HS3ST4: variants seen among roughly 807,000 people sequenced by gnomAD.
HS3ST4 encodes heparan sulfate glucosamine 3-O-sulfotransferase 4.
Under a neutral mutation model 29.2 loss-of-function variants are expected in HS3ST4, and 17 were observed. The ratio of observed to expected loss-of-function variants is 0.58; its 90% CI spans 0.40 to 0.87. The LOEUF is 0.87. HS3ST4 is among the 40% of genes least tolerant of loss of function. The pLI, the probability that HS3ST4 is intolerant of heterozygous loss-of-function variation, is 0.00. For synonymous variants in HS3ST4, 314 were observed against 285.7 expected (o/e 1.10, Z -1.00); for missense variants, 627 against 634.5 (o/e 0.99, Z 0.13).
chr16:25,923,133 G>T (rs1246614717), intron 1 of HS3ST4, among the ~76,000 whole-genome samples: 1 of 152,058 alleles, frequency 6.6e-6, no homozygotes, highest in Non-Finnish European at 1.5e-5. Context: ...AGCCATTGTT[G>T]TACAAATCCA....
chr16:26,022,613 G>A (rs1017624090), intron 1 of HS3ST4, among the ~76,000 whole-genome samples: 4 of 151,982 alleles, frequency 2.6e-5, no homozygotes, highest in African/African-American at 9.7e-5. Flanking sequence ...ACAGGCAGCA[G>A]GTCAAAATCT....
chr16:25,873,313 TCCATCCATCC>T (rs1967778039), intron 1 of HS3ST4, among the ~76,000 whole-genome samples: 2 of 81,592 alleles, frequency 2.5e-5, no homozygotes, highest in African/African-American at 4.0e-5. Context: ...CATCCATCCA[TCCATCCATCC>T]TTCCTTCCTT....
intron 1 of HS3ST4, among the ~76,000 whole-genome samples, chr16:25,914,920 T>TA (rs531186493): frequency 2.0e-5 from 3 of 148,392 alleles, no homozygotes; most frequent in Admixed American, 1.3e-4. Flanking sequence ...AAGATACAAT[T>TA]AAAAAAAAAA....
intron 1 of HS3ST4, among the ~76,000 whole-genome samples, chr16:26,055,000 CA>C (rs111653644): frequency 0.056 from 8,571 of 152,076 alleles, 285 homozygotes; most frequent in African/African-American, 0.082. Flanking sequence ...GGGGAACTGA[CA>C]AAAATTATAT....
chr16:26,109,581 A>G (rs757656025), intron 1 of HS3ST4, among the ~76,000 whole-genome samples: 1 of 148,372 alleles, frequency 6.7e-6, no homozygotes, highest in Non-Finnish European at 1.5e-5. Flanking sequence ...CATGTCCATC[A>G]CCCCACACCT....
intron 1 of HS3ST4, among the ~76,000 whole-genome samples, chr16:25,828,305 T>TTTCTTTCTTTCC (rs1567249540): frequency 2.1e-4 from 16 of 76,140 alleles, no homozygotes; most frequent in East Asian, 3.3e-4. Flanking sequence ...TCTTTCCCTC[T>TTTCTTTCTTTCC]CTCTCTCTCT....
At chr16:25,802,273 T>TA (rs1214457223) in intron 1 of HS3ST4, among the ~76,000 whole-genome samples, 2 of 152,192 alleles carry the variant, frequency 1.3e-5, no homozygotes, top group Non-Finnish European at 2.9e-5. Context: ...ATTTACGTAT[T>TA]ACATTGGTGA....
intron 1 of HS3ST4, among the ~76,000 whole-genome samples, chr16:25,798,756 T>C (rs1966904637): frequency 6.6e-6 from 1 of 152,176 alleles, no homozygotes; most frequent in Non-Finnish European, 1.5e-5. Context: ...TTAAATCATG[T>C]GGGGCTTCAC....
chr16:25,905,341 C>T (rs1024984141), intron 1 of HS3ST4, among the ~76,000 whole-genome samples: 3 of 149,846 alleles, frequency 2.0e-5, no homozygotes, highest in Non-Finnish European at 3.0e-5. Flanking sequence ...TAGATAGGGG[C>T]GGAGGGTGGG....
At chr16:25,971,348 A>G (rs1968895049) in intron 1 of HS3ST4, among the ~76,000 whole-genome samples, 1 of 152,212 alleles carries the variant, frequency 6.6e-6, no homozygotes, top group Admixed American at 6.5e-5. Context: ...TAATTGCATC[A>G]TTTCTCAACT....
At chr16:26,078,866 C>G (rs1898695193) in intron 1 of HS3ST4, among the ~76,000 whole-genome samples, 1 of 152,196 alleles carries the variant, frequency 6.6e-6, no homozygotes, top group Non-Finnish European at 1.5e-5. Context: ...GAATCTCTAA[C>G]AGGTCACAGT....
At chr16:25,896,231 T>C (rs1968062999) in intron 1 of HS3ST4, among the ~76,000 whole-genome samples, 1 of 152,140 alleles carries the variant, frequency 6.6e-6, no homozygotes, top group Admixed American at 6.5e-5. Context: ...GTGTCTTGGG[T>C]GATTCAACAG....
intron 1 of HS3ST4, among the ~76,000 whole-genome samples, chr16:25,984,378 C>T (rs1018179093): frequency 1.3e-5 from 2 of 152,124 alleles, no homozygotes; most frequent in Non-Finnish European, 2.9e-5. Context: ...ACAACAGGGT[C>T]CATGCTCCTA....
At chr16:25,984,799 C>G (rs891916737) in intron 1 of HS3ST4, among the ~76,000 whole-genome samples, 3 of 152,166 alleles carry the variant, frequency 2.0e-5, no homozygotes, top group Admixed American at 1.3e-4. Flanking sequence ...ATTTTCTTGA[C>G]CCATTCATCT....
chr16:26,030,778 T>C (rs1249329467), intron 1 of HS3ST4, among the ~76,000 whole-genome samples: 1 of 152,216 alleles, frequency 6.6e-6, no homozygotes, highest in African/African-American at 2.4e-5. Context: ...AAACCCATGC[T>C]TGAAATTCAT....
intron 1 of HS3ST4, among the ~76,000 whole-genome samples, chr16:25,833,222 C>T (rs1005568131): frequency 1.3e-5 from 2 of 151,884 alleles, no homozygotes; most frequent in Admixed American, 1.3e-4. Flanking sequence ...GTTGCATGCC[C>T]CTAAAGTTAG....
intron 1 of HS3ST4, among the ~76,000 whole-genome samples, chr16:26,094,778 T>A (rs1461955279): frequency 2.0e-5 from 3 of 152,160 alleles, no homozygotes; most frequent in African/African-American, 7.2e-5. Flanking sequence ...TAACCTTAAA[T>A]GTAAATGGGC....
chr16:25,904,513 C>G (rs1000600523), intron 1 of HS3ST4, among the ~76,000 whole-genome samples: 4 of 152,142 alleles, frequency 2.6e-5, no homozygotes, highest in African/African-American at 9.7e-5. Flanking sequence ...AGTTTTTATA[C>G]ATTAGCACTG....
At chr16:26,003,614 G>C (rs1969231146) in intron 1 of HS3ST4, among the ~76,000 whole-genome samples, 1 of 152,208 alleles carries the variant, frequency 6.6e-6, no homozygotes, top group Non-Finnish European at 1.5e-5. Context: ...TGCAGCAAAA[G>C]TTCCAAGTGT....
Sources: allele counts gnomAD v4.1 joint callset (sites outside exome capture counted in the v4.1 genomes callset), GRCh38; gene constraint gnomAD v4.1.1; transcripts MANE v1.5; gene names NCBI Gene and HGNC (gene_info 2026-07-23, HGNC 2026-07-21).